The following NRXN1 variants were observed in gnomAD, a reference collection of about 807,000 sequenced individuals.
NRXN1 encodes neurexin-1.
In NRXN1, 39 loss-of-function variants were observed where a neutral mutation model predicts 150.9. That is an observed-to-expected ratio of 0.26 (90% CI 0.20 to 0.34). The LOEUF (loss-of-function observed/expected upper bound fraction) is 0.34. NRXN1 is among the 10% of genes least tolerant of loss of function. The pLI is 1.00. For synonymous variants in NRXN1, 924 were observed against 757.0 expected (o/e 1.22, Z -3.62); for missense variants, 1,815 against 1,949.9 (o/e 0.93, Z 1.30).
chr2:50,337,046 G>A (rs928411427), intron 17 of NRXN1, among the ~76,000 whole-genome samples: 1 of 150,852 alleles, frequency 6.6e-6, no homozygotes, highest in Non-Finnish European at 1.5e-5. Context: ...ACAGCATAAT[G>A]TAGAGGTTAA....
At chr2:51,004,826 G>C (rs1272098929) in intron 2 of NRXN1, among the ~76,000 whole-genome samples, 1 of 151,924 alleles carries the variant, frequency 6.6e-6, no homozygotes, top group African/African-American at 2.4e-5. Context: ...CAAGGTTACT[G>C]CTAAGTTTGA....
chr2:50,070,769 CAAAAA>C (rs546500232), intron 19 of NRXN1, among the ~76,000 whole-genome samples: 1 of 94,096 alleles, frequency 1.1e-5, no homozygotes, highest in African/African-American at 4.1e-5. Flanking sequence ...GACTCCGTCT[CAAAAA>C]AAAAAAAAAA....
At chr2:50,657,191 T>G (rs539620489) in intron 5 of NRXN1, among the ~76,000 whole-genome samples, 1 of 152,106 alleles carries the variant, frequency 6.6e-6, no homozygotes, top group Non-Finnish European at 1.5e-5. Context: ...CCAGTTTTGC[T>G]TTAGCCACAT....
At chr2:50,508,869 G>A (rs1173691283) in intron 12 of NRXN1, among the ~76,000 whole-genome samples, 1 of 152,078 alleles carries the variant, frequency 6.6e-6, no homozygotes, top group African/African-American at 2.4e-5. Flanking sequence ...AGAAGATAAG[G>A]TTTTTAAAAA....
intron 8 of NRXN1, among the ~76,000 whole-genome samples, chr2:50,590,160 T>G (rs1673902695): frequency 6.6e-6 from 1 of 151,960 alleles, no homozygotes; most frequent in Admixed American, 6.6e-5. Context: ...ATTTTTAGAG[T>G]TTTAAAAAAT....
chr2:50,968,413 A>G (rs1694462425), intron 2 of NRXN1, among the ~76,000 whole-genome samples: 1 of 151,734 alleles, frequency 6.6e-6, no homozygotes, highest in Non-Finnish European at 1.5e-5. Flanking sequence ...ACCAAAATGA[A>G]CTCTATTTTC....
intron 17 of NRXN1, among the ~76,000 whole-genome samples, chr2:50,409,402 G>C (rs914669267): frequency 6.6e-6 from 1 of 152,204 alleles, no homozygotes; most frequent in Non-Finnish European, 1.5e-5. Flanking sequence ...GTGGTCTTGG[G>C]ACTTTCTTCC....
intron 5 of NRXN1, among the ~76,000 whole-genome samples, chr2:50,859,519 A>G (rs1675788517): frequency 6.6e-6 from 1 of 152,138 alleles, no homozygotes; most frequent in Non-Finnish European, 1.5e-5. Flanking sequence ...TGCAAAAAAA[A>G]GAGATGTCTC....
At chr2:49,996,455 C>T (rs987549008) in intron 21 of NRXN1, among the ~76,000 whole-genome samples, 1 of 152,268 alleles carries the variant, frequency 6.6e-6, no homozygotes, top group East Asian at 1.9e-4. Context: ...AATCCATCTA[C>T]TTTCTAATCT....
At chr2:50,773,649 T>C (rs1703265126) in intron 5 of NRXN1, among the ~76,000 whole-genome samples, 1 of 152,182 alleles carries the variant, frequency 6.6e-6, no homozygotes, top group Non-Finnish European at 1.5e-5. Context: ...TCTTCACCTT[T>C]GCTCAGGGGG....
chr2:50,871,286 T>G (rs192159851), intron 5 of NRXN1, among the ~76,000 whole-genome samples: 4 of 151,910 alleles, frequency 2.6e-5, no homozygotes, highest in African/African-American at 7.2e-5. Context: ...AAATGTCCTA[T>G]TCCTGTATGA....
At chr2:50,966,952 G>A (rs1694202471) in intron 2 of NRXN1, among the ~76,000 whole-genome samples, 1 of 151,846 alleles carries the variant, frequency 6.6e-6, no homozygotes, top group African/African-American at 2.4e-5. Flanking sequence ...TCAAACTGCA[G>A]GCTTTGCTTT....
intron 5 of NRXN1, among the ~76,000 whole-genome samples, chr2:50,907,220 T>C (rs1683838229): frequency 6.6e-6 from 1 of 151,866 alleles, no homozygotes. Flanking sequence ...CCAACCTTTC[T>C]GGATTTCCCC....
At chr2:50,477,915 C>T (rs534899582) in intron 15 of NRXN1, among the ~76,000 whole-genome samples, 3 of 152,222 alleles carry the variant, frequency 2.0e-5, no homozygotes, top group African/African-American at 7.2e-5. Flanking sequence ...GCTTTTTCTC[C>T]TAATTCTTAT....
At chr2:50,379,425 T>C (rs2080782154) in intron 17 of NRXN1, among the ~76,000 whole-genome samples, 1 of 152,152 alleles carries the variant, frequency 6.6e-6, no homozygotes, top group African/African-American at 2.4e-5. Context: ...TGTGTACAAC[T>C]CCACAGTCGA....
intron 21 of NRXN1, among the ~76,000 whole-genome samples, chr2:50,032,133 C>A (rs1035005416): frequency 6.6e-6 from 1 of 152,040 alleles, no homozygotes; most frequent in South Asian, 2.1e-4. Context: ...TTTACTGTTA[C>A]TAGCCAGCCA....
intron 5 of NRXN1, among the ~76,000 whole-genome samples, chr2:50,632,121 T>C (rs1682436438): frequency 6.6e-6 from 1 of 151,986 alleles, no homozygotes; most frequent in Non-Finnish European, 1.5e-5. Context: ...ATGAAGTAAA[T>C]AAATTTAACT....
chr2:50,170,127 T>C (rs1056002603), intron 18 of NRXN1, among the ~76,000 whole-genome samples: 1 of 145,978 alleles, frequency 6.9e-6, no homozygotes, highest in Non-Finnish European at 1.5e-5. Flanking sequence ...TAATACGTCA[T>C]ATTATAGATA....
rs557910276 is a variant in NRXN1, at chr2:50,219,475, T to C, written c.3546+17314A>G. 1.5e-4 allele frequency among the ~76,000 whole-genome samples: 23 copies of C among 152,096 alleles called. No individual in the cohort carries two copies. In the East Asian group the frequency reaches 4.3e-3, roughly 28 times the overall value. Reference sequence around the variant, plus strand: ...TGAGGTTAGATTTATACAATTTTATTGGCAATGACAAAATCTAGAATAAAA... The same window carrying C: ...TGAGGTTAGATTTATACAATTTTATCGGCAATGACAAAATCTAGAATAAAA... On this transcript the variant is annotated intron_variant, in intron 18 of 22. Coordinates refer to ENST00000401669, the MANE Select transcript of NRXN1 (RefSeq NM_001330078.2).
Sources: gnomAD v4.1 joint callset for allele counts (sites outside exome capture counted in the v4.1 genomes callset) on GRCh38, gnomAD v4.1.1 for gene constraint, MANE v1.5 for transcripts, NCBI Gene and HGNC (gene_info 2026-07-23, HGNC 2026-07-21) for gene names.